Variants in KCNMA1 observed in about 807,000 individuals in gnomAD.
KCNMA1 encodes the protein Calcium-activated potassium channel subunit alpha-1.
Under a neutral mutation model 140.0 loss-of-function variants are expected in KCNMA1, and 29 were observed. The observed-to-expected ratio is 0.21, with a 90% CI of 0.15 to 0.28. The LOEUF is 0.28. Ranked by LOEUF, KCNMA1 falls within the 10% of genes least tolerant of loss-of-function variation. The pLI is 1.00. For missense variants in KCNMA1, 880 were observed against 1,602.2 expected (o/e 0.55, Z 7.70); for synonymous variants, 612 against 611.9 (o/e 1.00, Z 0.00).
chr10:77,351,243 G>T (rs564891836), intron 2 of KCNMA1, among the ~76,000 whole-genome samples: 26 of 152,230 alleles, frequency 1.7e-4, no homozygotes, highest in African/African-American at 6.3e-4. Context: ...AAGACTAAAG[G>T]TCAAGGGACA....
chr10:77,200,932 T>C (rs923695498), intron 3 of KCNMA1, among the ~76,000 whole-genome samples: 4 of 152,184 alleles, frequency 2.6e-5, no homozygotes, highest in African/African-American at 9.6e-5. Context: ...CGTCAAGCCA[T>C]CAACTTAACT....
At chr10:77,189,860 T>C (rs1206232925) in intron 3 of KCNMA1, among the ~76,000 whole-genome samples, 1 of 152,164 alleles carries the variant, frequency 6.6e-6, no homozygotes, top group Non-Finnish European at 1.5e-5. Context: ...TCTGCAATGT[T>C]GCCAAATTAA....
intron 2 of KCNMA1, among the ~76,000 whole-genome samples, chr10:77,284,674 C>A (rs2070083718): frequency 6.6e-6 from 1 of 152,026 alleles, no homozygotes; most frequent in Non-Finnish European, 1.5e-5. Flanking sequence ...GCATCACACC[C>A]AGCTAATTTT....
At chr10:77,590,681 G>A (rs2078857714) in intron 1 of KCNMA1, among the ~76,000 whole-genome samples, 1 of 152,262 alleles carries the variant, frequency 6.6e-6, no homozygotes, top group African/African-American at 2.4e-5. Context: ...CCGCCAAAGT[G>A]GGAGCCCAGG....
At chr10:76,958,599 G>A (rs145106976) in intron 20 of KCNMA1, among the ~76,000 whole-genome samples, 72 of 152,244 alleles carry the variant, frequency 4.7e-4, no homozygotes, top group African/African-American at 1.5e-3. Flanking sequence ...AGGTCATTGG[G>A]GTGAGTTCTG....
At position 77,108,369 on chromosome 10, in the gene KCNMA1, A is replaced by C; in HGVS notation, c.1223+112T>G. On this transcript the variant is annotated intron_variant, in intron 9 of 27. Transcript: ENST00000286628. This position sits in a 1 kb window ranked among gnomAD's most constrained non-coding sequence, Gnocchi z 4.6. ...CAGCAATTTCGGGCACGTAGCGGGC[A>C]AACATTGCCTACATGCATGAAACAA... is the stretch of plus-strand genomic sequence containing the variant. The C allele has an allele frequency of 1.3e-6, 2 of 1,598,452 alleles. No individual in the cohort carries two copies. Among genetic ancestry groups the C allele is most frequent in the Non-Finnish European group, 1.7e-6 (2 of 1,177,552 alleles).
At chr10:77,128,611 C>A (rs1161714252) in intron 5 of KCNMA1, among the ~76,000 whole-genome samples, 1 of 151,826 alleles carries the variant, frequency 6.6e-6, no homozygotes, top group Non-Finnish European at 1.5e-5. Flanking sequence ...AATGAGCCAT[C>A]CAGGTTAAGA....
At chr10:77,345,461 G>A (rs576331557) in intron 2 of KCNMA1, among the ~76,000 whole-genome samples, 9 of 152,184 alleles carry the variant, frequency 5.9e-5, no homozygotes, top group Non-Finnish European at 1.0e-4. Flanking sequence ...CTGACTTAGT[G>A]AGTCTAGAAG....
chr10:77,130,932 G>A (rs1224411827), intron 5 of KCNMA1, among the ~76,000 whole-genome samples: 1 of 151,984 alleles, frequency 6.6e-6, no homozygotes, highest in Non-Finnish European at 1.5e-5. Context: ...AAATGTCTTT[G>A]GTCAATACAT....
intron 19 of KCNMA1, among the ~76,000 whole-genome samples, chr10:76,983,028 T>G (rs1454746249): frequency 1.3e-5 from 2 of 152,228 alleles, no homozygotes; most frequent in African/African-American, 4.8e-5. Flanking sequence ...GATTTCAGGA[T>G]GGCTATTTCT....
intron 23 of KCNMA1, among the ~76,000 whole-genome samples, chr10:76,917,819 C>G (rs2053594700): frequency 6.6e-6 from 1 of 152,126 alleles, no homozygotes; most frequent in Non-Finnish European, 1.5e-5. Context: ...TAAAGGTGAA[C>G]ATAATTTATT....
chr10:77,182,872 C>T (rs1267521710), intron 5 of KCNMA1, among the ~76,000 whole-genome samples: 1 of 152,182 alleles, frequency 6.6e-6, no homozygotes, highest in African/African-American at 2.4e-5. Context: ...CTGTACAGTA[C>T]AGCCCAGCAG....
At chr10:77,024,879 T>C (rs1195243889) in intron 16 of KCNMA1, among the ~76,000 whole-genome samples, 7 of 151,976 alleles carry the variant, frequency 4.6e-5, no homozygotes, top group Admixed American at 4.6e-4. Context: ...TTGGTCTCTG[T>C]TTTGTGGATA....
At chr10:77,311,351 G>A (rs921792796) in intron 2 of KCNMA1, among the ~76,000 whole-genome samples, 5 of 152,066 alleles carry the variant, frequency 3.3e-5, no homozygotes, top group East Asian at 1.9e-4. Context: ...TGGGGAGAGC[G>A]AACTCATACT....
intron 16 of KCNMA1, among the ~76,000 whole-genome samples, chr10:77,025,998 A>AAAATATAT (rs370771543): frequency 5.7e-5 from 8 of 139,930 alleles, no homozygotes; most frequent in African/African-American, 1.3e-4. Flanking sequence ...AGAAAAAAAA[A>AAAATATAT]ATATATATAT....
At chr10:77,130,186 G>C (rs1156482165) in intron 5 of KCNMA1, among the ~76,000 whole-genome samples, 1 of 152,072 alleles carries the variant, frequency 6.6e-6, no homozygotes, top group Non-Finnish European at 1.5e-5. Context: ...CTTTTCAGTG[G>C]TGCAAAAGTG....
chr10:77,402,642 C>CA (rs2096310265), intron 2 of KCNMA1, among the ~76,000 whole-genome samples: 1 of 152,194 alleles, frequency 6.6e-6, no homozygotes, highest in Non-Finnish European at 1.5e-5. Flanking sequence ...CCAGACATAA[C>CA]ATTGAGTTCT....
intron 2 of KCNMA1, among the ~76,000 whole-genome samples, chr10:77,293,227 C>T (rs1220481943): frequency 6.6e-6 from 1 of 152,156 alleles, no homozygotes; most frequent in Non-Finnish European, 1.5e-5. Context: ...TCACTTTGGC[C>T]AATGTATAGG....
At chr10:76,909,700 T>C (rs993846344) in intron 25 of KCNMA1, among the ~76,000 whole-genome samples, 1 of 152,186 alleles carries the variant, frequency 6.6e-6, no homozygotes, top group Non-Finnish European at 1.5e-5. Flanking sequence ...CCTTGGGGAA[T>C]TTTTCTGGGA....
Sources: gnomAD v4.1 joint callset for allele counts (sites outside exome capture counted in the v4.1 genomes callset) on GRCh38, gnomAD v4.1.1 for gene constraint, Gnocchi (gnomAD v3.1) non-coding constraint, MANE v1.5 for transcripts, NCBI Gene and HGNC (gene_info 2026-07-23, HGNC 2026-07-21) for gene names.